The following GABRG2 variants were observed in gnomAD, a reference collection of about 807,000 sequenced individuals.
GABRG2 encodes gamma-aminobutyric acid type A receptor subunit gamma2, also known as gamma-aminobutyric acid receptor subunit gamma-2.
In GABRG2, 16 loss-of-function variants were observed where a neutral mutation model predicts 56.4. The observed-to-expected ratio is 0.28, with a 90% CI of 0.19 to 0.43. The LOEUF (loss-of-function observed/expected upper bound fraction) is 0.43. Ranked by LOEUF, GABRG2 falls within the 20% of genes least tolerant of loss-of-function variation. The pLI, the probability that GABRG2 is intolerant of heterozygous loss-of-function variation, is 1.00. For synonymous variants in GABRG2, 208 were observed against 205.5 expected (o/e 1.01, Z -0.10); for missense variants, 327 against 582.7 (o/e 0.56, Z 4.52).
chr5:162,076,993 G>A (rs1759173727), intron 1 of GABRG2, among the ~76,000 whole-genome samples: 1 of 151,648 alleles, frequency 6.6e-6, no homozygotes, highest in Admixed American at 6.6e-5. Flanking sequence ...ACATAATATA[G>A]ATTCAATAAA....
chr5:162,075,525 C>G (rs932225465), intron 1 of GABRG2, among the ~76,000 whole-genome samples: 8 of 151,916 alleles, frequency 5.3e-5, no homozygotes, highest in Non-Finnish European at 1.2e-4. Context: ...TTTTGATTTT[C>G]TATCTCTCTC....
intron 1 of GABRG2, among the ~76,000 whole-genome samples, chr5:162,074,865 T>C (rs1701967147): frequency 6.6e-6 from 1 of 151,980 alleles, no homozygotes; most frequent in African/African-American, 2.4e-5. Flanking sequence ...TGCTAAGAGG[T>C]TGTAAAAGTT....
Position 162,153,179 on chromosome 5 carries a change from C to T in GABRG2, c.1239C>T (p.Gly413=), listed in dbSNP as rs1765497929. 2.5e-6 allele frequency: 4 copies of T among 1,613,938 alleles called. No homozygotes were observed. The highest frequency in any genetic ancestry group is 2.5e-6 in the Non-Finnish European group (3 of 1,179,984). The part of the protein sequence containing the change: ...THLQERDEEY[G]YECLDGKDCA... ...TTCAAGAGAGAGATGAAGAGTACGG[C>T]TATGAGTGTCTGGACGGCAAGGACT... The change falls in exon 10 of 10, where the codon GGC becomes GGT. Residue 413 remains glycine (G), a synonymous_variant. Transcript: ENST00000639213.
At chr5:162,100,169 AG>A (rs1761309387) in intron 4 of GABRG2, 1 of 152,120 alleles carries the variant, frequency 6.6e-6, no homozygotes, top group Non-Finnish European at 1.5e-5. Context: ...TTATTAAATG[AG>A]GAAGCAATTC....
At chr5:162,078,495 C>T (rs1425936918) in intron 1 of GABRG2, among the ~76,000 whole-genome samples, 2 of 143,666 alleles carry the variant, frequency 1.4e-5, no homozygotes, top group Non-Finnish European at 3.0e-5. Context: ...CAAGCTGCGC[C>T]TCCCAGGTTC....
At chr5:162,149,753 A>G (rs1765233509) in intron 8 of GABRG2, 2 of 428,212 alleles carry the variant, frequency 4.7e-6, no homozygotes, top group Non-Finnish European at 9.2e-6. Flanking sequence ...AGCTGGGACT[A>G]TAGGCACACG....
Position 162,142,655 on chromosome 5 carries a change from A to T in GABRG2, c.922+339A>T, listed in dbSNP as rs554641163. The stretch of plus-strand genomic sequence containing the variant: ...TCAGCAAACTATCGCAAGGACAAAA[A>T]ACCAAACACTGCATGTTCTCACTCA... On this transcript the variant is annotated intron_variant, in intron 7 of 9. Coordinates refer to ENST00000639213, the MANE Select transcript of GABRG2 (RefSeq NM_198904.4). 3.1e-3 allele frequency: 1,091 copies of T among 349,024 alleles called. 12 individuals are homozygous for T. Among genetic ancestry groups the T allele is most frequent in the African/African-American group, 0.021 (986 of 46,710 alleles). The allele number at this position is 349,024 out of a possible 1,614,324, so 21.6% of individuals were successfully genotyped here. A position where few individuals can be genotyped will look rare whatever the true frequency, so the allele number is the denominator to read the frequency against.
chr5:162,068,148 T>TG (rs1758369753), intron 1 of GABRG2, 42 bp downstream of exon 1: 3 of 1,341,640 alleles, frequency 2.2e-6, no homozygotes, highest in African/African-American at 1.5e-5. Context: ...TCTGAAGAGG[T>TG]GGGGGGAAGG....
intron 6 of GABRG2, among the ~76,000 whole-genome samples, chr5:162,126,396 A>G (rs1297386478): frequency 1.3e-5 from 2 of 151,982 alleles, no homozygotes; most frequent in Non-Finnish European, 2.9e-5. Context: ...TATGGAAATC[A>G]TTGTCCTAGA....
At chr5:162,076,081 G>A (rs752711826) in intron 1 of GABRG2, among the ~76,000 whole-genome samples, 59 of 152,194 alleles carry the variant, frequency 3.9e-4, no homozygotes, top group Non-Finnish European at 7.1e-4. Flanking sequence ...CAGCCCAGGA[G>A]TTCAAGGCTG....
chr5:162,141,038 T>C (rs1178988174), intron 6 of GABRG2, among the ~76,000 whole-genome samples: 1 of 152,126 alleles, frequency 6.6e-6, no homozygotes, highest in Admixed American at 6.6e-5. Context: ...TTTTTTTGTT[T>C]GTTTCTTTTC....
intron 6 of GABRG2, among the ~76,000 whole-genome samples, chr5:162,105,182 C>G (rs1441108474): frequency 6.6e-6 from 1 of 151,954 alleles, no homozygotes; most frequent in Non-Finnish European, 1.5e-5. Flanking sequence ...CAGAGAGAAG[C>G]AAATAAAGGA....
rs1210471503 is a variant in GABRG2, at chr5:162,151,649, GTC to G, written c.1129-73_1129-72del. On this transcript the variant is annotated intron_variant, in intron 8 of 9. Coordinates refer to ENST00000639213, the MANE Select transcript of GABRG2 (RefSeq NM_198904.4). ...TCAAAATGTATTTTTAATTTATCTT[GTC>G]TCTCTCTTTTTTTTTCATTTTTTTT... 39 of 1,187,840 alleles carry G rather than the reference GTC, an allele frequency of 3.3e-5. No individual in the cohort carries two copies. The South Asian group carries it at 4.8e-4, about 15-fold the overall frequency. The allele number at this position is 1,187,840 out of a possible 1,614,324, so 73.6% of individuals were successfully genotyped here. A position where few individuals can be genotyped will look rare whatever the true frequency, so the allele number is the denominator to read the frequency against.
At chr5:162,070,658 G>C (rs973529265) in intron 1 of GABRG2, among the ~76,000 whole-genome samples, 20 of 151,964 alleles carry the variant, frequency 1.3e-4, no homozygotes, top group African/African-American at 4.3e-4. Flanking sequence ...ATAAAGCATC[G>C]TAGTGAGAAT....
chr5:162,111,077 C>T (rs1033251249), intron 6 of GABRG2, among the ~76,000 whole-genome samples: 2 of 152,202 alleles, frequency 1.3e-5, no homozygotes, highest in Non-Finnish European at 2.9e-5. Context: ...ACCAAGGTTA[C>T]ACTGTCAATA....
At chr5:162,138,631 T>A (rs1388478730) in intron 6 of GABRG2, among the ~76,000 whole-genome samples, 1 of 152,174 alleles carries the variant, frequency 6.6e-6, no homozygotes, top group African/African-American at 2.4e-5. Context: ...ACAACACTAT[T>A]TATGCCTTCA....
chr5:162,083,949 A>G (rs1759857918), intron 1 of GABRG2, among the ~76,000 whole-genome samples: 1 of 151,986 alleles, frequency 6.6e-6, no homozygotes, highest in East Asian at 1.9e-4. Flanking sequence ...TGCATTTAAT[A>G]AAAACAATAC....
intron 4 of GABRG2, among the ~76,000 whole-genome samples, chr5:162,100,606 A>C (rs1358581496): frequency 1.3e-5 from 2 of 152,172 alleles, no homozygotes; most frequent in Non-Finnish European, 2.9e-5. Flanking sequence ...AACATTTTTC[A>C]AATATGTCTG....
At chr5:162,085,372 G>A (rs1320114573) in intron 1 of GABRG2, among the ~76,000 whole-genome samples, 2 of 151,754 alleles carry the variant, frequency 1.3e-5, no homozygotes, top group Non-Finnish European at 2.9e-5. Flanking sequence ...GCTTTATAAA[G>A]AGATAAATGA....
Sources: gnomAD v4.1 joint callset for allele counts (sites outside exome capture counted in the v4.1 genomes callset) on GRCh38, gnomAD v4.1.1 for gene constraint, MANE v1.5 for transcripts, NCBI Gene and HGNC (gene_info 2026-07-23, HGNC 2026-07-21) for gene names.